Variants in SIPA1L2 observed in about 807,000 individuals in gnomAD.
SIPA1L2 encodes the protein signal-induced proliferation-associated 1-like protein 2.
In SIPA1L2, 56 loss-of-function variants were observed where a neutral mutation model predicts 163.9. That is an observed-to-expected ratio of 0.34 (90% CI 0.28 to 0.43). The LOEUF is 0.43. Ranked by LOEUF, SIPA1L2 falls within the 20% of genes least tolerant of loss-of-function variation. SIPA1L2 has a pLI of 1.00. For missense variants in SIPA1L2, 1,974 were observed against 2,193.5 expected (o/e 0.90, Z 2.00); for synonymous variants, 877 against 865.7 (o/e 1.01, Z -0.23).
intron 2 of SIPA1L2, among the ~76,000 whole-genome samples, chr1:232,545,189 G>GTT (rs1391886358): frequency 6.6e-6 from 1 of 152,206 alleles, no homozygotes; most frequent in Middle Eastern, 3.2e-3. Context: ...CAGCAATGCC[G>GTT]TAAGCGTAAA....
intron 1 of SIPA1L2, among the ~76,000 whole-genome samples, chr1:232,601,790 T>C (rs2102855515): frequency 6.6e-6 from 1 of 152,348 alleles, no homozygotes; most frequent in Middle Eastern, 3.4e-3. Flanking sequence ...TTCAACCAGG[T>C]AGATAAAATC....
chr1:232,519,256 C>A (rs1667348421), intron 2 of SIPA1L2, among the ~76,000 whole-genome samples: 1 of 152,222 alleles, frequency 6.6e-6, no homozygotes, highest in African/African-American at 2.4e-5. Flanking sequence ...TCGGCAGCTT[C>A]CTCTAGTAGA....
chr1:232,493,404 A>C (rs945563151), intron 4 of SIPA1L2, 123 bp downstream of exon 4: 2 of 1,266,960 alleles, frequency 1.6e-6, no homozygotes, highest in Non-Finnish European at 2.2e-6. Flanking sequence ...AATTATCTTA[A>C]ATGTTGCAAT....
intron 2 of SIPA1L2, among the ~76,000 whole-genome samples, chr1:232,517,094 G>C (rs1296122568): frequency 2.0e-5 from 3 of 152,176 alleles, no homozygotes; most frequent in South Asian, 2.1e-4. Context: ...GGTCACTTGT[G>C]GCATAATGCA....
intron 1 of SIPA1L2, among the ~76,000 whole-genome samples, chr1:232,579,952 A>G (rs1660285547): frequency 6.6e-6 from 1 of 152,214 alleles, no homozygotes; most frequent in Admixed American, 6.5e-5. Flanking sequence ...GTCTCACACA[A>G]GAAAGAATTT....
chr1:232,498,125 T>C (rs983720275), intron 3 of SIPA1L2, among the ~76,000 whole-genome samples: 2 of 152,190 alleles, frequency 1.3e-5, no homozygotes, highest in African/African-American at 2.4e-5. Context: ...CCCAAGGCCC[T>C]AGTGTTGTAG....
intron 12 of SIPA1L2, 127 bp from the exon 13 acceptor site, chr1:232,441,995 A>G (rs948730833): frequency 2.9e-6 from 2 of 691,744 alleles, no homozygotes; most frequent in Non-Finnish European, 4.7e-6. Context: ...GTTTTCTGGC[A>G]AATGAAAATG....
chr1:232,455,641 CGAGCCGGAGCTTGCAGT>C (rs1443877981), intron 10 of SIPA1L2, among the ~76,000 whole-genome samples: 4 of 104,298 alleles, frequency 3.8e-5, no homozygotes, highest in African/African-American at 8.3e-5. Flanking sequence ...GAGCTTGCAG[CGAGCCGGAGCTTGCAGT>C]GAGCCGAGAT....
intron 7 of SIPA1L2, among the ~76,000 whole-genome samples, chr1:232,479,017 C>T (rs1447154725): frequency 6.6e-6 from 1 of 152,192 alleles, no homozygotes; most frequent in Non-Finnish European, 1.5e-5. Context: ...GCCATAATTT[C>T]TAGTAATCTT....
intron 10 of SIPA1L2, 105 bp downstream of exon 10, chr1:232,460,782 C>A: frequency 7.3e-7 from 1 of 1,370,434 alleles, no homozygotes; most frequent in Non-Finnish European, 9.9e-7. Context: ...TGTACAAAGA[C>A]ACACTTGACT....
chr1:232,531,730 A>G (rs1417793297), intron 2 of SIPA1L2, among the ~76,000 whole-genome samples: 3 of 152,218 alleles, frequency 2.0e-5, no homozygotes, highest in Non-Finnish European at 4.4e-5. Flanking sequence ...ACTTGTTCAA[A>G]GCGACTGCTA....
At chr1:232,450,796 T>C (rs1195389347) in intron 10 of SIPA1L2, among the ~76,000 whole-genome samples, 2 of 152,230 alleles carry the variant, frequency 1.3e-5, no homozygotes, top group African/African-American at 4.8e-5. Context: ...TAAGACACTA[T>C]AATTTAGCTT....
At chr1:232,470,127 A>G (rs1341508730) in intron 8 of SIPA1L2, among the ~76,000 whole-genome samples, 1 of 152,162 alleles carries the variant, frequency 6.6e-6, no homozygotes, top group Non-Finnish European at 1.5e-5. Flanking sequence ...CAGGAAAAAA[A>G]GGCCAACTCA....
intron 10 of SIPA1L2, among the ~76,000 whole-genome samples, chr1:232,460,471 AAATAATC>A (rs1373838510): frequency 5.3e-5 from 8 of 152,128 alleles, no homozygotes; most frequent in African/African-American, 1.9e-4. Context: ...AATATTTTTT[AAATAATC>A]AATGGCTTCA....
chr1:232,514,735 C>A lies in SIPA1L2; in HGVS notation c.605G>T (p.Gly202Val). ...AGCAAAAAAGTTTTCACCAGATAAGCCTTGCCTGTCGATGGATGAAGTACT... is the reference window on the plus strand; with the variant it reads ...AGCAAAAAAGTTTTCACCAGATAAGACTTGCCTGTCGATGGATGAAGTACT... ...YGSTSSIDRQ[G>V]LSGENFFAML... is the part of the protein sequence containing the mutation. The change falls in exon 3 of 23, where the codon GGC becomes GTC. Residue 202 changes from glycine (G) to valine (V), a missense_variant. Around this residue, in one of 3 missense-constraint regions of SIPA1L2, gnomAD observed 607 missense variants for 624.0 expected, o/e 0.97. Transcript: ENST00000674635. The A allele has an allele frequency of 1.9e-6, 3 of 1,614,176 alleles. No homozygotes were observed. Among genetic ancestry groups the A allele is most frequent in the East Asian group, 2.2e-5 (1 of 44,882 alleles).
chr1:232,490,781 T>C (rs536640694), intron 5 of SIPA1L2, 93 bp downstream of exon 5: 4 of 1,286,684 alleles, frequency 3.1e-6, no homozygotes, highest in South Asian at 2.9e-5. Flanking sequence ...TTAAAATAAA[T>C]GATCTTACAA....
At chr1:232,431,846 A>C (rs941075385) in intron 16 of SIPA1L2, among the ~76,000 whole-genome samples, 1 of 152,224 alleles carries the variant, frequency 6.6e-6, no homozygotes, top group Admixed American at 6.5e-5. Context: ...ATTGGAAGTC[A>C]TGCTAAAATT....
intron 2 of SIPA1L2, among the ~76,000 whole-genome samples, chr1:232,539,222 G>A (rs1000975144): frequency 6.6e-6 from 1 of 152,196 alleles, no homozygotes; most frequent in African/African-American, 2.4e-5. Context: ...GAAACCCTTG[G>A]GGTAGGGTCT....
intron 18 of SIPA1L2, among the ~76,000 whole-genome samples, chr1:232,425,054 G>C (rs1055014699): frequency 1.3e-5 from 2 of 152,058 alleles, no homozygotes; most frequent in African/African-American, 4.8e-5. Context: ...AAATAAGCGG[G>C]GACACAAGAG....
Sources: gnomAD v4.1 joint callset for allele counts (sites outside exome capture counted in the v4.1 genomes callset) on GRCh38, gnomAD v4.1.1 for gene constraint, gnomAD v4.1.1 regional missense constraint, MANE v1.5 for transcripts, NCBI Gene and HGNC (gene_info 2026-07-23, HGNC 2026-07-21) for gene names.